Variants in CAMK2B observed in about 807,000 individuals in gnomAD.
CAMK2B encodes calcium/calmodulin dependent protein kinase II beta.
A neutral mutation model predicts 93.7 loss-of-function variants in CAMK2B; 27 were observed. The ratio of observed to expected loss-of-function variants is 0.29; its 90% CI spans 0.21 to 0.40. The LOEUF (loss-of-function observed/expected upper bound fraction) is 0.40. Among genes scored for constraint, CAMK2B ranks in the 10% least tolerant of loss-of-function variants. The pLI, the probability that CAMK2B is intolerant of heterozygous loss-of-function variation, is 1.00. For synonymous variants in CAMK2B, 374 were observed against 358.8 expected (o/e 1.04, Z -0.48); for missense variants, 568 against 895.8 (o/e 0.63, Z 4.67).
intron 5 of CAMK2B, 166 bp from the exon 6 acceptor site, chr7:44,247,358 T>C (rs1471752600): frequency 1.5e-6 from 1 of 656,068 alleles, no homozygotes; most frequent in Non-Finnish European, 2.8e-6. Flanking sequence ...GGCTTCTTCC[T>C]CACCTCCAAG....
chr7:44,272,331 G>A (rs756263884), intron 2 of CAMK2B, among the ~76,000 whole-genome samples: 17 of 152,132 alleles, frequency 1.1e-4, no homozygotes, highest in East Asian at 1.9e-4. Flanking sequence ...GGGGGTAGGC[G>A]GTGGAGGCAG....
chr7:44,300,640 T>C (rs1251297968), intron 1 of CAMK2B, among the ~76,000 whole-genome samples: 1 of 152,186 alleles, frequency 6.6e-6, no homozygotes, highest in Non-Finnish European at 1.5e-5. Context: ...AAGCAAAAAC[T>C]GATGGAACTG....
chr7:44,246,595 A>T (rs771447811), intron 6 of CAMK2B, among the ~76,000 whole-genome samples: 6 of 151,612 alleles, frequency 4.0e-5, no homozygotes, highest in Non-Finnish European at 5.9e-5. Flanking sequence ...CACATGCCAT[A>T]TGTATACACA....
chr7:44,225,413 T>G lies in CAMK2B; in HGVS notation c.1597+1103A>C, dbSNP rs979493948. Among the ~76,000 whole-genome samples the G allele has an allele frequency of 6.6e-6, 1 of 152,024 alleles. No homozygotes were observed. Among genetic ancestry groups the G allele is most frequent in the Non-Finnish European group, 1.5e-5 (1 of 67,978 alleles). ...CGGCCCCTCCCCATGCCTCCCTCCT[T>G]GAGTTCTGGTCGCCCAGGCACCCCG... On this transcript the variant is annotated intron_variant, in intron 20 of 23. Coordinates refer to ENST00000395749, the MANE Select transcript of CAMK2B (RefSeq NM_001220.5). This position sits in a 1 kb window ranked among gnomAD's most constrained non-coding sequence, Gnocchi z 5.0.
chr7:44,234,836 G>C (rs961323130), intron 13 of CAMK2B, among the ~76,000 whole-genome samples, 160 bp from the exon 14 acceptor site: 7 of 152,120 alleles, frequency 4.6e-5, no homozygotes, highest in Non-Finnish European at 8.8e-5. Context: ...GAGCAGGTGG[G>C]GGGGCCATCC....
chr7:44,315,037 C>T (rs1024044755), intron 1 of CAMK2B, among the ~76,000 whole-genome samples: 1 of 152,178 alleles, frequency 6.6e-6, no homozygotes, highest in African/African-American at 2.4e-5. Flanking sequence ...TTCTATTCCA[C>T]TTTCTCAATG....
chr7:44,242,451 G>A, intron 9 of CAMK2B, 109 bp downstream of exon 9: 2 of 1,534,328 alleles, frequency 1.3e-6, no homozygotes, highest in Non-Finnish European at 1.8e-6. Flanking sequence ...GCAGGACCCA[G>A]GACCTGGCCA....
At chr7:44,284,279 A>T in intron 1 of CAMK2B, 54 bp from the exon 2 acceptor site, 1 of 1,291,454 alleles carries the variant, frequency 7.7e-7, no homozygotes, top group South Asian at 1.2e-5. Flanking sequence ...ACAAGGAGAA[A>T]GAGAGAGAGC....
chr7:44,253,081 A>T (rs370361296), intron 5 of CAMK2B, among the ~76,000 whole-genome samples: 1 of 152,194 alleles, frequency 6.6e-6, no homozygotes, highest in Admixed American at 6.5e-5. Context: ...GATGCGGGCC[A>T]TGTCACGATG....
intron 13 of CAMK2B, among the ~76,000 whole-genome samples, chr7:44,236,725 T>G (rs560654159): frequency 6.6e-6 from 1 of 152,172 alleles, no homozygotes; most frequent in South Asian, 2.1e-4. Context: ...CTCCTGTCTG[T>G]GCATCCCACC....
At chr7:44,247,926 G>A (rs2096747106) in intron 5 of CAMK2B, among the ~76,000 whole-genome samples, 1 of 152,182 alleles carries the variant, frequency 6.6e-6, no homozygotes, top group Admixed American at 6.5e-5. Flanking sequence ...TACTCAGGAG[G>A]CTAAGGAAGG....
intron 4 of CAMK2B, among the ~76,000 whole-genome samples, chr7:44,256,649 A>G (rs1415590277): frequency 6.6e-6 from 1 of 152,254 alleles, no homozygotes; most frequent in Non-Finnish European, 1.5e-5. Context: ...CACACTGAAC[A>G]CAGATTAGGC....
intron 16 of CAMK2B, among the ~76,000 whole-genome samples, chr7:44,231,993 G>T (rs1321760538): frequency 6.6e-6 from 1 of 152,208 alleles, no homozygotes; most frequent in Non-Finnish European, 1.5e-5. Context: ...TAGGAGTCCT[G>T]CAGAGAGCAT....
rs575958353 is a variant in CAMK2B at position 44,325,249 on chromosome 7, C to G, written c.65+108G>C. 1.1e-4 allele frequency: 59 copies of G among 539,630 alleles called. No individual in the cohort carries two copies. In the African/African-American group the frequency reaches 1.1e-3, roughly 10 times the overall value. 33.4% of individuals were successfully genotyped at this position (539,630 alleles called of 1,614,324 possible). ...GCTTGGGCCCGGAGCCCAGAGAAGC[C>G]GGCGGCGCGCGGGCCCGCAGTGCGC... On this transcript the variant is annotated intron_variant, in intron 1 of 23. Transcript: ENST00000395749.
intron 18 of CAMK2B, 119 bp downstream of exon 18, chr7:44,229,269 G>A (rs1562816648): frequency 8.9e-6 from 6 of 676,468 alleles, no homozygotes; most frequent in Non-Finnish European, 1.5e-5. Context: ...GGGATTGTGG[G>A]GTGATGAGGC....
chr7:44,219,942 G>A, intron 23 of CAMK2B, 118 bp downstream of exon 23: 1 of 762,716 alleles, frequency 1.3e-6, no homozygotes, highest in Non-Finnish European at 1.9e-6. Context: ...AAAGCTCAGG[G>A]ACTTCCCAGG....
Position 44,242,229 on chromosome 7 carries a change from G to A in CAMK2B, c.808C>T (p.Pro270Ser). ...CAAGGGCGACTCACGCAGACCCACG[G>A]GTGCTTCAGGGCCTCATGGGCTGTG... ...RITAHEALKH[P>S]WVCQRSTVAS... The change falls in exon 10 of 24, where the codon CCG (proline) becomes TCG (serine). Residue 270 changes from proline to serine, a missense_variant. Physicochemically the swap from Pro to Ser is moderately conservative, Grantham distance 74. Around this residue, in one of 4 missense-constraint regions of CAMK2B, gnomAD observed 105 missense variants for 372.4 expected, o/e 0.28. Coordinates refer to ENST00000395749, the MANE Select transcript of CAMK2B (RefSeq NM_001220.5). 6.2e-7 allele frequency: 1 copy of A among 1,613,726 alleles called. No individual in the cohort carries two copies. The highest frequency in any genetic ancestry group is 1.3e-5 in the African/African-American group (1 of 75,034).
intron 1 of CAMK2B, among the ~76,000 whole-genome samples, chr7:44,313,375 C>T (rs916056485): frequency 2.0e-5 from 3 of 151,696 alleles, no homozygotes; most frequent in African/African-American, 7.3e-5. Flanking sequence ...GGAGGGCACC[C>T]CTGAGGCCCA....
chr7:44,309,058 C>A (rs1584866787), intron 1 of CAMK2B, among the ~76,000 whole-genome samples: 1 of 152,340 alleles, frequency 6.6e-6, no homozygotes, highest in South Asian at 2.1e-4. Context: ...CTGCCCAGCA[C>A]TGCCCGCCTG....
Sources: gnomAD v4.1 joint callset for allele counts (sites outside exome capture counted in the v4.1 genomes callset) on GRCh38, gnomAD v4.1.1 for gene constraint, gnomAD v4.1.1 regional missense constraint, Gnocchi (gnomAD v3.1) non-coding constraint, MANE v1.5 for transcripts, NCBI Gene and HGNC (gene_info 2026-07-23, HGNC 2026-07-21) for gene names.